Variants in ANKRD55 observed in about 807,000 individuals in gnomAD.
ANKRD55 encodes the protein ankyrin repeat domain 55.
A neutral mutation model predicts 60.6 loss-of-function variants in ANKRD55; 41 were observed. The ratio of observed to expected loss-of-function variants is 0.68; its 90% CI spans 0.53 to 0.88. ANKRD55 has a LOEUF of 0.88. Among genes scored for constraint, ANKRD55 ranks in the 40% least tolerant of loss-of-function variants. ANKRD55 has a pLI of 0.00. For missense variants in ANKRD55, 732 were observed against 767.6 expected (o/e 0.95, Z 0.55); for synonymous variants, 264 against 290.3 (o/e 0.91, Z 0.92).
At chr5:56,226,920 G>A (rs1581034546) in intron 2 of ANKRD55, among the ~76,000 whole-genome samples, 1 of 152,354 alleles carries the variant, frequency 6.6e-6, no homozygotes. Context: ...CATTGTGGAA[G>A]ACAGTGTGGT....
chr5:56,199,751 C>A (rs567871442), intron 2 of ANKRD55, among the ~76,000 whole-genome samples: 1 of 151,602 alleles, frequency 6.6e-6, no homozygotes, highest in Admixed American at 6.6e-5. Context: ...ATTAGCTGGG[C>A]GTGGTGGCGG....
chr5:56,115,814 A>T (rs952161020), intron 9 of ANKRD55, among the ~76,000 whole-genome samples: 5 of 152,162 alleles, frequency 3.3e-5, no homozygotes, highest in Admixed American at 6.5e-5. Context: ...ATTTAAATGG[A>T]TAACAATGCA....
chr5:56,149,395 TG>T (rs1757985157), intron 6 of ANKRD55, among the ~76,000 whole-genome samples: 1 of 152,186 alleles, frequency 6.6e-6, no homozygotes, highest in South Asian at 2.1e-4. Flanking sequence ...GACTTTAGAA[TG>T]GGAGTTTTCA....
chr5:56,231,632 G>A (rs1760254604), intron 2 of ANKRD55, among the ~76,000 whole-genome samples: 1 of 150,536 alleles, frequency 6.6e-6, no homozygotes, highest in African/African-American at 2.4e-5. Flanking sequence ...CACGGTATGA[G>A]CCGGCACGTT....
chr5:56,231,387 G>A (rs1760247983), intron 2 of ANKRD55, among the ~76,000 whole-genome samples: 1 of 152,136 alleles, frequency 6.6e-6, no homozygotes, highest in Non-Finnish European at 1.5e-5. Flanking sequence ...AATTCATTAT[G>A]AAGAGCTAGT....
chr5:56,138,333 G>C (rs978748846), intron 7 of ANKRD55, among the ~76,000 whole-genome samples: 2 of 151,980 alleles, frequency 1.3e-5, no homozygotes, highest in African/African-American at 4.8e-5. Context: ...TCACCATGTT[G>C]GTCAGGCTGG....
intron 2 of ANKRD55, among the ~76,000 whole-genome samples, chr5:56,206,621 T>C (rs948228977): frequency 6.6e-6 from 1 of 152,082 alleles, no homozygotes; most frequent in Non-Finnish European, 1.5e-5. Flanking sequence ...TAGTGCATAG[T>C]TGTGTACCTC....
chr5:56,193,361 G>T, intron 2 of ANKRD55: 1 of 764,076 alleles, frequency 1.3e-6, no homozygotes, highest in South Asian at 1.5e-5. Context: ...CTTTGTTTCA[G>T]AACACCATTT....
intron 2 of ANKRD55, among the ~76,000 whole-genome samples, chr5:56,201,395 G>T (rs1273053623): frequency 1.3e-5 from 2 of 152,176 alleles, no homozygotes; most frequent in Non-Finnish European, 2.9e-5. Flanking sequence ...CAAGTTAAAG[G>T]TCATTGATAC....
At chr5:56,232,440 C>T (rs152313) in intron 2 of ANKRD55, among the ~76,000 whole-genome samples, 5 of 151,900 alleles carry the variant, frequency 3.3e-5, no homozygotes, top group Non-Finnish European at 7.4e-5. Context: ...CTGGGCTAAT[C>T]GAATGACAAA....
At chr5:56,196,313 T>A (rs575264749) in intron 2 of ANKRD55, among the ~76,000 whole-genome samples, 154 of 152,290 alleles carry the variant, frequency 1.0e-3, no homozygotes, top group Non-Finnish European at 1.9e-3. Context: ...TCTATTACCT[T>A]GGAGTGTAGC....
At chr5:56,178,330 C>A (rs978378848) in intron 3 of ANKRD55, among the ~76,000 whole-genome samples, 3 of 151,740 alleles carry the variant, frequency 2.0e-5, no homozygotes, top group East Asian at 1.9e-4. Flanking sequence ...ACGGGGATTA[C>A]CGGCGTGAGC....
At position 56,111,385 on chromosome 5, in the gene ANKRD55, A is replaced by C. The variant is rs1756692480; in HGVS notation, c.1363T>G (p.Ser455Ala). Residue 455 changes from serine to alanine, a missense_variant, in exon 10 of 12, where the codon TCC becomes GCC. Physicochemically the swap from Ser to Ala is moderately conservative, Grantham distance 99. Coordinates refer to ENST00000341048, the MANE Select transcript of ANKRD55 (RefSeq NM_024669.3). ...GGAGCAGAGCTCAGGCCTGCATGGG[A>C]AGTGGCCCTATGGGAGGCTGTTAGG... is the stretch of plus-strand genomic sequence containing the variant. The part of the protein sequence containing the change: ...NFLTASHRAT[S>A]HAGLSSAPHH... 1 of 1,614,116 alleles carries C rather than the reference A, an allele frequency of 6.2e-7. No homozygotes were observed. The highest frequency in any genetic ancestry group is 2.2e-5 in the East Asian group (1 of 44,890).
chr5:56,200,453 T>C (rs1007524581), intron 2 of ANKRD55, among the ~76,000 whole-genome samples: 1 of 152,216 alleles, frequency 6.6e-6, no homozygotes, highest in African/African-American at 2.4e-5. Flanking sequence ...GGATGTATCA[T>C]AAATTATCCA....
chr5:56,114,472 G>A (rs1756830390), intron 9 of ANKRD55, among the ~76,000 whole-genome samples: 1 of 152,176 alleles, frequency 6.6e-6, no homozygotes, highest in Admixed American at 6.5e-5. Context: ...TATTCACATT[G>A]TAAGCTTGAC....
At position 56,102,021 on chromosome 5, in the gene ANKRD55, TA is replaced by T. The variant is rs979607794; in HGVS notation, c.1723+472del. On this transcript the variant is annotated intron_variant, in intron 11 of 11. Coordinates refer to ENST00000341048, the MANE Select transcript of ANKRD55 (RefSeq NM_024669.3). ...TATTTTTTTAAAAAAAATAAGCATT[TA>T]AAAAAAAGCTTTAAAGATGGTCTCT... is the stretch of plus-strand genomic sequence containing the variant. Among the ~76,000 whole-genome samples, 475 of 151,916 alleles carry T rather than the reference TA, an allele frequency of 3.1e-3. 11 individuals carry two copies. The highest frequency in any genetic ancestry group is 1.1e-3 in the Non-Finnish European group (77 of 67,936).
chr5:56,193,525 C>A, intron 2 of ANKRD55: 1 of 437,132 alleles, frequency 2.3e-6, no homozygotes, highest in South Asian at 2.7e-5. Flanking sequence ...TTATCATCTT[C>A]ATCCATATGG....
intron 7 of ANKRD55, among the ~76,000 whole-genome samples, chr5:56,131,823 A>G (rs1159965642): frequency 6.8e-6 from 1 of 146,202 alleles, no homozygotes; most frequent in Non-Finnish European, 1.5e-5. Flanking sequence ...AAAAAAAAAA[A>G]GTAGTTTCTT....
At chr5:56,201,238 T>C (rs1347577774) in intron 2 of ANKRD55, among the ~76,000 whole-genome samples, 2 of 152,146 alleles carry the variant, frequency 1.3e-5, no homozygotes, top group African/African-American at 2.4e-5. Context: ...CAAAGTGGCG[T>C]CTTTCCACCT....
Sources: gnomAD v4.1 joint callset for allele counts (sites outside exome capture counted in the v4.1 genomes callset) on GRCh38, gnomAD v4.1.1 for gene constraint, MANE v1.5 for transcripts, NCBI Gene and HGNC (gene_info 2026-07-23, HGNC 2026-07-21) for gene names.